Variants in SMC2 observed in about 807,000 individuals in gnomAD.
SMC2 encodes structural maintenance of chromosomes 2.
In SMC2, 41 loss-of-function variants were observed where a neutral mutation model predicts 142.6. The observed-to-expected ratio is 0.29, with a 90% CI of 0.22 to 0.37. The LOEUF is 0.37. Among genes scored for constraint, SMC2 ranks in the 10% least tolerant of loss-of-function variants. The probability of loss-of-function intolerance (pLI) is 1.00; values close to 1 mark genes in which losing one functional copy is unlikely to be tolerated. For synonymous variants in SMC2, 463 were observed against 457.5 expected (o/e 1.01, Z -0.15); for missense variants, 1,265 against 1,373.7 (o/e 0.92, Z 1.25).
chr9:104,101,354 T>C (rs951402109), intron 7 of SMC2, among the ~76,000 whole-genome samples: 4 of 152,220 alleles, frequency 2.6e-5, no homozygotes, highest in Non-Finnish European at 5.9e-5. Flanking sequence ...GGAAAAATTG[T>C]AATCTTGAAG....
intron 10 of SMC2, 139 bp downstream of exon 10, chr9:104,111,953 T>C (rs1038450562): frequency 6.4e-6 from 4 of 624,358 alleles, no homozygotes; most frequent in African/African-American, 1.9e-5. Flanking sequence ...TCTGCAACTC[T>C]AATGCCTAAT....
At chr9:104,122,080 A>G (rs1360096780) in intron 16 of SMC2, among the ~76,000 whole-genome samples, 1 of 152,208 alleles carries the variant, frequency 6.6e-6, no homozygotes, top group Non-Finnish European at 1.5e-5. Context: ...AGAGTAAATG[A>G]ATTTTTTTCT....
chr9:104,092,595 A>G (rs1830013203), upstream of SMC2: 1 of 152,238 alleles, frequency 6.6e-6, no homozygotes, highest in Admixed American at 6.5e-5. Flanking sequence ...CAAGGCAGAC[A>G]AAGATATCTG....
chr9:104,127,191 C>T (rs1352723442), intron 19 of SMC2, 95 bp from the exon 20 acceptor site: 2 of 909,948 alleles, frequency 2.2e-6, no homozygotes, highest in Non-Finnish European at 3.2e-6. Flanking sequence ...ATCACATTGC[C>T]CTCTTGCCCA....
intron 9 of SMC2, among the ~76,000 whole-genome samples, chr9:104,107,820 G>T (rs1427738883): frequency 1.3e-5 from 2 of 152,210 alleles, no homozygotes; most frequent in African/African-American, 4.8e-5. Flanking sequence ...TTTATCTGTA[G>T]TGGGTTTTGA....
Position 104,134,602 on chromosome 9 carries a change from ATTTTC to A in SMC2, c.3269+28_3269+32del, listed in dbSNP as rs745363634. 559 of 1,469,508 alleles carry A rather than the reference ATTTTC, an allele frequency of 3.8e-4. 5 individuals carry two copies. The highest frequency in any genetic ancestry group is 7.1e-4 in the South Asian group (54 of 75,874). 91.0% of individuals were successfully genotyped at this position (1,469,508 alleles called of 1,614,324 possible). ...TGAGGAATCACTTTGCTATATTATA[ATTTTC>A]ATTCCTCTTTATTATAATTCATCTC... is the stretch of plus-strand genomic sequence containing the variant. On this transcript the variant is annotated intron_variant, in intron 23 of 24. Transcript: ENST00000374793.
chr9:104,107,604 T>A (rs1037915175), intron 9 of SMC2, among the ~76,000 whole-genome samples: 1 of 152,236 alleles, frequency 6.6e-6, no homozygotes, highest in African/African-American at 2.4e-5. Flanking sequence ...ATGCTGTGTT[T>A]AGTACCCAAG....
At chr9:104,091,112 C>G (rs1481342741), upstream of SMC2, among the ~76,000 whole-genome samples, 1 of 152,166 alleles carries the variant, frequency 6.6e-6, no homozygotes, top group Non-Finnish European at 1.5e-5. Flanking sequence ...GGTGAACCCA[C>G]AGTTCAAATA....
chr9:104,102,124 G>T lies in SMC2; in HGVS notation c.801G>T (p.Leu267Phe). The T allele has an allele frequency of 6.3e-7, 1 of 1,594,082 alleles. No homozygotes were observed. The highest frequency in any genetic ancestry group is 2.2e-5 in the East Asian group (1 of 44,562). Reference protein sequence around the residue: ...QDKVIKLQEELSENDKKIKAL... With the variant: ...QDKVIKLQEEFSENDKKIKAL... ...AAGTTATAAAGCTTCAGGAAGAATT[G>T]TCTGAGAATGATAAAAAAATAAAAG... Residue 267 changes from leucine to phenylalanine, a missense_variant, in exon 8 of 25, where the codon TTG (leucine) becomes TTT (phenylalanine). Leu to Phe is a conservative substitution (Grantham distance 22, BLOSUM62 0). Coordinates refer to ENST00000374793, the MANE Select transcript of SMC2 (RefSeq NM_006444.3).
intron 18 of SMC2, among the ~76,000 whole-genome samples, chr9:104,125,766 A>G (rs1198695196): frequency 1.3e-5 from 2 of 152,218 alleles, no homozygotes; most frequent in Non-Finnish European, 2.9e-5. Context: ...ATACTTTGTT[A>G]TATCTTTTAG....
chr9:104,088,879 C>G, the SMC2 span, among the ~76,000 whole-genome samples: 2 of 151,982 alleles, frequency 1.3e-5, no homozygotes, highest in African/African-American at 2.4e-5. Flanking sequence ...ACAATGCAGG[C>G]ATTCTATAAA....
At chr9:104,106,410 C>CG (rs1294863245) in intron 9 of SMC2, among the ~76,000 whole-genome samples, 1 of 151,730 alleles carries the variant, frequency 6.6e-6, no homozygotes, top group Admixed American at 6.6e-5. Flanking sequence ...TTTTTTGAGA[C>CG]GGAGTTTCAC....
At chr9:104,131,433 T>G (rs73665503) in intron 21 of SMC2, among the ~76,000 whole-genome samples, 1,924 of 152,186 alleles carry the variant, frequency 0.013, 59 homozygotes, top group African/African-American at 0.044. Context: ...CCTGGTTGAT[T>G]GGTGCAGCAA....
At chr9:104,138,796 A>G (rs1041676321) in intron 24 of SMC2, among the ~76,000 whole-genome samples, 1 of 152,162 alleles carries the variant, frequency 6.6e-6, no homozygotes, top group African/African-American at 2.4e-5. Flanking sequence ...TGTTTGGGCT[A>G]GTGGTGTGCT....
chr9:104,120,310 C>A, intron 16 of SMC2, 148 bp downstream of exon 16: 1 of 728,012 alleles, frequency 1.4e-6, no homozygotes, highest in Non-Finnish European at 2.1e-6. Context: ...GAGTTGATAA[C>A]TTACCATTTA....
rs1170091967 is a variant in SMC2, at chr9:104,101,971, C to G, written c.648C>G (p.Ser216=). 5.1e-6 allele frequency: 8 copies of G among 1,572,986 alleles called. No homozygotes were observed. Among genetic ancestry groups the G allele is most frequent in the Non-Finnish European group, 6.9e-6 (8 of 1,157,610 alleles). ...GATTTCTCTTTCAGGAAAGATCGTC[C>G]TACTTGGAGTACCAAAAAGTAATGA... ...TIQKLKEERS[S]YLEYQKVMRE... is the part of the protein sequence containing the mutation. Residue 216 remains serine (S), a synonymous_variant, in exon 8 of 25, where the codon TCC becomes TCG. Transcript: ENST00000374793.
At chr9:104,126,408 T>C (rs1403520303) in intron 18 of SMC2, among the ~76,000 whole-genome samples, 1 of 152,218 alleles carries the variant, frequency 6.6e-6, no homozygotes, top group African/African-American at 2.4e-5. Flanking sequence ...AAGAAAATAA[T>C]TTATGCAGAG....
chr9:104,102,438 A>G lies in SMC2; in HGVS notation c.885A>G (p.Ile295Met). Residue 295 changes from isoleucine to methionine, a missense_variant, in exon 9 of 25, where the codon ATA becomes ATG. Ile to Met is a conservative substitution (Grantham distance 10). Transcript: ENST00000374793. ...TTTTGTTATAGGAAACTGGAGGTATACTTCGATCTTTAGAAGATGCTCTTG... is the reference window on the plus strand; with the variant it reads ...TTTTGTTATAGGAAACTGGAGGTATGCTTCGATCTTTAGAAGATGCTCTTG... ...EKRKDKETGGILRSLEDALAE... is the reference protein window; with the variant it reads ...EKRKDKETGGMLRSLEDALAE... The G allele has an allele frequency of 6.2e-7, 1 of 1,608,308 alleles. No individual in the cohort carries two copies. The highest frequency in any genetic ancestry group is 8.5e-7 in the Non-Finnish European group (1 of 1,178,110).
At chr9:104,097,220 C>T (rs1474754779) in intron 3 of SMC2, among the ~76,000 whole-genome samples, 1 of 149,764 alleles carries the variant, frequency 6.7e-6, no homozygotes, top group African/African-American at 2.5e-5. Flanking sequence ...CCTCAGCCTC[C>T]TGAGTAGCTG....
Sources: gnomAD v4.1 joint callset for allele counts (sites outside exome capture counted in the v4.1 genomes callset) on GRCh38, gnomAD v4.1.1 for gene constraint, MANE v1.5 for transcripts, NCBI Gene and HGNC (gene_info 2026-07-23, HGNC 2026-07-21) for gene names.